ASB18: variants seen among roughly 807,000 people sequenced by gnomAD.
ASB18 encodes ankyrin repeat and SOCS box protein 18.
ASB18 carries 33 observed loss-of-function variants against 33.4 expected under a neutral mutation model. The observed-to-expected ratio is 0.99, with a 90% CI of 0.75 to 1.32. ASB18 has a LOEUF of 1.32. Among genes scored for constraint, ASB18 ranks in the 40% most tolerant of loss-of-function variants. The probability of loss-of-function intolerance (pLI) is 0.00; values close to 1 mark genes in which losing one functional copy is unlikely to be tolerated. For missense variants in ASB18, 694 were observed against 655.5 expected (o/e 1.06, Z -0.64); for synonymous variants, 295 against 307.6 (o/e 0.96, Z 0.43).
intron 3 of ASB18, among the ~76,000 whole-genome samples, chr2:236,233,981 A>G (rs559905075): frequency 6.6e-6 from 1 of 152,190 alleles, no homozygotes; most frequent in Non-Finnish European, 1.5e-5. Context: ...AACTTATACT[A>G]CCTGACTTCA....
At chr2:236,202,074 C>G (rs1037373781) in intron 4 of ASB18, among the ~76,000 whole-genome samples, 1 of 151,978 alleles carries the variant, frequency 6.6e-6, no homozygotes, top group South Asian at 2.1e-4. Context: ...CTCAGCCTCC[C>G]GAGTAGCTGG....
At position 236,262,445 on chromosome 2, in the gene ASB18, C is replaced by T. The variant is rs2060723187; in HGVS notation, c.205+1696G>A. Among the ~76,000 whole-genome samples the T allele has an allele frequency of 6.6e-6, 1 of 152,212 alleles. No homozygotes were observed. The highest frequency in any genetic ancestry group is 1.5e-5 in the Non-Finnish European group (1 of 68,044). On this transcript the variant is annotated intron_variant, in intron 1 of 5. Coordinates refer to ENST00000409749, the MANE Select transcript of ASB18 (RefSeq NM_212556.4). The surrounding 1 kb of genome is among the most constrained non-coding windows in gnomAD (Gnocchi z 5.2). ...TGCTGGGCAGGAGCCAAGCCTTCCA[C>T]AGAAGGAGGCTGCTAAACCCAGCAG... is the stretch of plus-strand genomic sequence containing the variant.
At position 236,251,598 on chromosome 2, in the gene ASB18, A is replaced by G. The variant is rs1237433775; in HGVS notation, c.206-10196T>C. ...ATCCTGAAGTTGAGAAGGGTGGTCT[A>G]GGAGACAATTTGGTCAACACTGCAT... On this transcript the variant is annotated intron_variant, in intron 1 of 5. Transcript: ENST00000409749. This position sits in a 1 kb window ranked among gnomAD's most constrained non-coding sequence, Gnocchi z 5.3. Among the ~76,000 whole-genome samples, 2 of 152,222 alleles carry G rather than the reference A, an allele frequency of 1.3e-5. No homozygotes were observed. Among genetic ancestry groups the G allele is most frequent in the Admixed American group, 1.3e-4 (2 of 15,290 alleles).
At chr2:236,198,789 C>T (rs1462829204) in intron 4 of ASB18, among the ~76,000 whole-genome samples, 1 of 152,126 alleles carries the variant, frequency 6.6e-6, no homozygotes, top group African/African-American at 2.4e-5. Context: ...TTTGTAAGTA[C>T]ATTTTATTTA....
At position 236,228,324 on chromosome 2, in the gene ASB18, AG is replaced by A. The variant is rs1487289795; in HGVS notation, c.596+9364del. On this transcript the variant is annotated intron_variant, in intron 3 of 5. Coordinates refer to ENST00000409749, the MANE Select transcript of ASB18 (RefSeq NM_212556.4). This position sits in a 1 kb window ranked among gnomAD's most constrained non-coding sequence, Gnocchi z 5.1. ...GGCTCTCAGGCTGAGGGTTCTATGA[AG>A]GGGACCCCAGCAGAGCCTGGTGAGC... Among the ~76,000 whole-genome samples, 1 of 139,900 alleles carries A rather than the reference AG, an allele frequency of 7.1e-6. No individual in the cohort carries two copies. The highest frequency in any genetic ancestry group is 1.5e-5 in the Non-Finnish European group (1 of 66,766). 91.8% of individuals were successfully genotyped at this position (139,900 alleles called of 152,430 possible). A position where few individuals can be genotyped will look rare whatever the true frequency, so the allele number is the denominator to read the frequency against.
chr2:236,214,290 C>T lies in ASB18; in HGVS notation c.1101+72G>A, dbSNP rs2060473447. ...TACACTTTGAGAGCGCCGCATGCAA[C>T]CCAGCTCCCAGGCCGGTCACTAAGT... On this transcript the variant is annotated intron_variant, in intron 4 of 5. Transcript: ENST00000409749. The surrounding 1 kb of genome is among the most constrained non-coding windows in gnomAD (Gnocchi z 6.5). 1 of 1,486,594 alleles carries T rather than the reference C, an allele frequency of 6.7e-7. No individual in the cohort carries two copies. The highest frequency in any genetic ancestry group is 9.0e-7 in the Non-Finnish European group (1 of 1,112,556). The allele number at this position is 1,486,594 out of a possible 1,614,324, so 92.1% of individuals were successfully genotyped here. A position where few individuals can be genotyped will look rare whatever the true frequency, so the allele number is the denominator to read the frequency against.
chr2:236,194,812 C>A lies in ASB18; in HGVS notation c.*60G>T. On this transcript the variant is annotated 3_prime_UTR_variant, in exon 6 of 6. Transcript: ENST00000409749. The surrounding 1 kb of genome is among the most constrained non-coding windows in gnomAD (Gnocchi z 4.5). ...ATCTGCATCAGGGCACTCTCCAACACACGGCCTCCATGGAAGGTCAGCGAG... is the reference window on the plus strand; with the variant it reads ...ATCTGCATCAGGGCACTCTCCAACAAACGGCCTCCATGGAAGGTCAGCGAG... 1 of 1,462,008 alleles carries A rather than the reference C, an allele frequency of 6.8e-7. No homozygotes were observed. The highest frequency in any genetic ancestry group is 1.3e-5 in the South Asian group (1 of 76,036). The allele number at this position is 1,462,008 out of a possible 1,614,324, so 90.6% of individuals were successfully genotyped here.
chr2:236,207,321 C>T (rs1327322460), intron 4 of ASB18, among the ~76,000 whole-genome samples: 1 of 152,184 alleles, frequency 6.6e-6, no homozygotes, highest in Non-Finnish European at 1.5e-5. Flanking sequence ...GTGTAACTAT[C>T]TCCTCCATCT....
Position 236,196,678 on chromosome 2 carries a change from T to C in ASB18, c.1102-293A>G, listed in dbSNP as rs2060375568. 1.3e-5 allele frequency among the ~76,000 whole-genome samples: 2 copies of C among 152,176 alleles called. No homozygotes were observed. The highest frequency in any genetic ancestry group is 2.4e-5 in the African/African-American group (1 of 41,446). ...TAAGCATTCAGGTTCCCAGGGGGGCTATGCTGGTGGCTTGGCAGGCCTCCT... is the reference window on the plus strand; with the variant it reads ...TAAGCATTCAGGTTCCCAGGGGGGCCATGCTGGTGGCTTGGCAGGCCTCCT... On this transcript the variant is annotated intron_variant, in intron 4 of 5. Coordinates refer to ENST00000409749, the MANE Select transcript of ASB18 (RefSeq NM_212556.4). This position sits in a 1 kb window ranked among gnomAD's most constrained non-coding sequence, Gnocchi z 5.6.
rs1483498078 is a variant in ASB18, at chr2:236,193,576, C to A, written c.*1296G>T. ...CTTTGGGAGGCCGAGGCGGGCAGAT[C>A]ACCTGAGATCGGGAGTTTGAGACCA... On this transcript the variant is annotated 3_prime_UTR_variant, in exon 6 of 6. Transcript: ENST00000409749. This position sits in a 1 kb window ranked among gnomAD's most constrained non-coding sequence, Gnocchi z 5.0. 6.6e-6 allele frequency among the ~76,000 whole-genome samples: 1 copy of A among 152,208 alleles called. No homozygotes were observed. The highest frequency in any genetic ancestry group is 1.5e-5 in the Non-Finnish European group (1 of 68,044).
chr2:236,235,884 G>C lies in ASB18; in HGVS notation c.596+1805C>G, dbSNP rs944260075. Among the ~76,000 whole-genome samples, 2 of 152,122 alleles carry C rather than the reference G, an allele frequency of 1.3e-5. No homozygotes were observed. Among genetic ancestry groups the C allele is most frequent in the Admixed American group, 6.5e-5 (1 of 15,276 alleles). Reference sequence around the variant, plus strand: ...AATTTTTGTATTTTTTGTAGAGATGGGGTTTTGCCGTGTTGCCCAGGCTGG... The same window carrying C: ...AATTTTTGTATTTTTTGTAGAGATGCGGTTTTGCCGTGTTGCCCAGGCTGG... On this transcript the variant is annotated intron_variant, in intron 3 of 5. Coordinates refer to ENST00000409749, the MANE Select transcript of ASB18 (RefSeq NM_212556.4). The surrounding 1 kb of genome is among the most constrained non-coding windows in gnomAD (Gnocchi z 6.2).
rs1208008662 is a variant in ASB18 at position 236,238,625 on chromosome 2, G to GTA, written c.329-670_329-669insTA. 2.6e-5 allele frequency among the ~76,000 whole-genome samples: 4 copies of GTA among 151,872 alleles called. No individual in the cohort carries two copies. Among genetic ancestry groups the GTA allele is most frequent in the African/African-American group, 9.7e-5 (4 of 41,326 alleles). ...GCTTTTTAGGGGTGTGTGTGTGTGT[G>GTA]TGTGTAGGGTTGCTCTTTCTTGAGG... On this transcript the variant is annotated intron_variant, in intron 2 of 5. Coordinates refer to ENST00000409749, the MANE Select transcript of ASB18 (RefSeq NM_212556.4). This position sits in a 1 kb window ranked among gnomAD's most constrained non-coding sequence, Gnocchi z 5.2.
In ASB18 at chr2:236,220,499, T is replaced by A. The variant is rs2060505904; in HGVS notation, c.597-5633A>T. ...TATTCAAAGCCCTGGAAATGCTGCT[T>A]CTCTGCCTCCTGGTTCTGAACTGAA... On this transcript the variant is annotated intron_variant, in intron 3 of 5. Coordinates refer to ENST00000409749, the MANE Select transcript of ASB18 (RefSeq NM_212556.4). The surrounding 1 kb of genome is among the most constrained non-coding windows in gnomAD (Gnocchi z 5.1). Among the ~76,000 whole-genome samples, 1 of 151,716 alleles carries A rather than the reference T, an allele frequency of 6.6e-6. No individual in the cohort carries two copies. Among genetic ancestry groups the A allele is most frequent in the African/African-American group, 2.4e-5 (1 of 41,312 alleles).
At chr2:236,258,105 C>G (rs1479341507) in intron 1 of ASB18, among the ~76,000 whole-genome samples, 2 of 152,218 alleles carry the variant, frequency 1.3e-5, no homozygotes, top group Non-Finnish European at 2.9e-5. Context: ...AACCAGCTTC[C>G]TATGCACCTT....
rs1201121933 is a variant in ASB18, at chr2:236,229,937, A to T, written c.596+7752T>A. On this transcript the variant is annotated intron_variant, in intron 3 of 5. Transcript: ENST00000409749. The surrounding 1 kb of genome is among the most constrained non-coding windows in gnomAD (Gnocchi z 5.2). ...TAGAGAAAATCTTAAAGCCAGATAA[A>T]AGGATATTTATTAGCTATAAAAGAA... 6.6e-6 allele frequency among the ~76,000 whole-genome samples: 1 copy of T among 152,154 alleles called. No homozygotes were observed. The highest frequency in any genetic ancestry group is 1.5e-5 in the Non-Finnish European group (1 of 68,024).
rs1032000429 is a variant in ASB18, at chr2:236,217,873, G to A, written c.597-3007C>T. Among the ~76,000 whole-genome samples the A allele has an allele frequency of 3.9e-5, 6 of 152,196 alleles. No homozygotes were observed. The highest frequency in any genetic ancestry group is 8.8e-5 in the Non-Finnish European group (6 of 68,050). ...TTTTACAGTCAGAGCGCTTCACTTT[G>A]CTTCCTATTTGCTTCTCTGGGAGGA... On this transcript the variant is annotated intron_variant, in intron 3 of 5. Transcript: ENST00000409749. This position sits in a 1 kb window ranked among gnomAD's most constrained non-coding sequence, Gnocchi z 5.2.
chr2:236,236,853 G>A (rs1416530548), intron 3 of ASB18, among the ~76,000 whole-genome samples: 1 of 152,212 alleles, frequency 6.6e-6, no homozygotes, highest in African/African-American at 2.4e-5. Flanking sequence ...GAGACAGAAG[G>A]CCATGCAATG....
chr2:236,195,286 G>A lies in ASB18; in HGVS notation c.1216-229C>T, dbSNP rs764705564. ...CGAGTGAGAGGGGATTCTGACTGGGGTGACTTCAGATGCTCCAGGTGGTCT... is the reference window on the plus strand; with the variant it reads ...CGAGTGAGAGGGGATTCTGACTGGGATGACTTCAGATGCTCCAGGTGGTCT... On this transcript the variant is annotated intron_variant, in intron 5 of 5. Transcript: ENST00000409749. The surrounding 1 kb of genome is among the most constrained non-coding windows in gnomAD (Gnocchi z 5.5). 6.6e-5 allele frequency among the ~76,000 whole-genome samples: 10 copies of A among 152,186 alleles called. No homozygotes were observed. The highest frequency in any genetic ancestry group is 1.3e-4 in the Non-Finnish European group (9 of 68,032).
In ASB18 at chr2:236,264,216, C is replaced by G. The variant is rs2060735596; in HGVS notation, c.130G>C (p.Asp44His). 6.2e-7 allele frequency: 1 copy of G among 1,613,976 alleles called. No individual in the cohort carries two copies. Among genetic ancestry groups the G allele is most frequent in the Non-Finnish European group, 8.5e-7 (1 of 1,179,884 alleles). Reference protein sequence around the residue: ...DLICTEITPVDAVIELANDDW... With the variant: ...DLICTEITPVHAVIELANDDW... ...TCATTGGCCAGTTCTATCACAGCGT[C>G]CACAGGCGTGATTTCAGTGCAGATT... Residue 44 changes from aspartate (D) to histidine (H), a missense_variant, in exon 1 of 6, where the codon GAC becomes CAC. Transcript: ENST00000409749. This position sits in a 1 kb window ranked among gnomAD's most constrained non-coding sequence, Gnocchi z 5.1.
Sources: gnomAD v4.1 joint callset for allele counts (sites outside exome capture counted in the v4.1 genomes callset) on GRCh38, gnomAD v4.1.1 for gene constraint, Gnocchi (gnomAD v3.1) non-coding constraint, MANE v1.5 for transcripts, NCBI Gene and HGNC (gene_info 2026-07-23, HGNC 2026-07-21) for gene names.